Variants in COMMD7 observed in about 807,000 individuals in gnomAD.
COMMD7 encodes the protein COMM domain containing 7.
Under a neutral mutation model 34.8 loss-of-function variants are expected in COMMD7, and 28 were observed. The ratio of observed to expected loss-of-function variants is 0.80; its 90% CI spans 0.60 to 1.10. The LOEUF is 1.10. Among genes scored for constraint, COMMD7 ranks in the 50% least tolerant of loss-of-function variants. The pLI, the probability that COMMD7 is intolerant of heterozygous loss-of-function variation, is 0.00. For synonymous variants in COMMD7, 80 were observed against 86.4 expected (o/e 0.93, Z 0.41); for missense variants, 211 against 241.6 (o/e 0.87, Z 0.84).
intron 6 of COMMD7, 60 bp downstream of exon 6, chr20:32,704,754 A>T: frequency 7.9e-7 from 1 of 1,271,330 alleles, no homozygotes; most frequent in Non-Finnish European, 1.1e-6. Flanking sequence ...GCTGTGTCAC[A>T]GCCTCTGCAC....
At chr20:32,711,545 C>A (rs1364789528) in intron 3 of COMMD7, among the ~76,000 whole-genome samples, 1 of 152,134 alleles carries the variant, frequency 6.6e-6, no homozygotes, top group Non-Finnish European at 1.5e-5. Flanking sequence ...TTCTCAGACG[C>A]TATCTTGGTG....
chr20:32,737,121 G>A (rs1986170448), intron 1 of COMMD7, among the ~76,000 whole-genome samples: 2 of 152,040 alleles, frequency 1.3e-5, no homozygotes, highest in South Asian at 4.1e-4. Context: ...GGCAGAGCTT[G>A]CAGTGAGCCG....
chr20:32,743,187 C>A (rs1451040820), intron 1 of COMMD7, 121 bp downstream of exon 1: 2 of 837,308 alleles, frequency 2.4e-6, no homozygotes, highest in Non-Finnish European at 3.5e-6. Context: ...CAAACGCCCA[C>A]AAGACGCCGC....
intron 3 of COMMD7, among the ~76,000 whole-genome samples, chr20:32,714,676 T>C (rs775220969): frequency 5.5e-4 from 79 of 143,422 alleles, no homozygotes; most frequent in Admixed American, 2.4e-3. Context: ...ATACAAAAAT[T>C]AGCCGGGCAC....
At chr20:32,739,242 C>CAAG in intron 1 of COMMD7, among the ~76,000 whole-genome samples, 1 of 152,080 alleles carries the variant, frequency 6.6e-6, no homozygotes, top group East Asian at 1.9e-4. Flanking sequence ...CAAGATGGAT[C>CAAG]ACCAGAGACC....
chr20:32,741,730 T>G (rs1305423780), intron 1 of COMMD7, among the ~76,000 whole-genome samples: 4 of 152,160 alleles, frequency 2.6e-5, no homozygotes, highest in African/African-American at 9.7e-5. Flanking sequence ...CCTTTTCTAT[T>G]TAGATTTGTC....
intron 1 of COMMD7, among the ~76,000 whole-genome samples, chr20:32,740,721 C>T (rs1986393571): frequency 6.6e-6 from 1 of 151,140 alleles, no homozygotes; most frequent in Non-Finnish European, 1.5e-5. Flanking sequence ...GCCTATAGTC[C>T]CAGCTATTTG....
chr20:32,731,702 C>G (rs1985852166), intron 1 of COMMD7, among the ~76,000 whole-genome samples: 1 of 152,216 alleles, frequency 6.6e-6, no homozygotes, highest in South Asian at 2.1e-4. Flanking sequence ...TGCAGCTTCA[C>G]AGCAACTTAA....
Position 32,706,723 on chromosome 20 carries a change from C to G in COMMD7, c.279G>C (p.Gln93His). 6.2e-7 allele frequency: 1 copy of G among 1,613,926 alleles called. No homozygotes were observed. Among genetic ancestry groups the G allele is most frequent in the African/African-American group, 1.3e-5 (1 of 74,966 alleles). The change falls in exon 4 of 9, where the codon CAG becomes CAC. Residue 93 changes from glutamine (Q) to histidine (H), a missense_variant. Gln to His is a conservative substitution (Grantham distance 24). Coordinates refer to ENST00000278980, the MANE Select transcript of COMMD7 (RefSeq NM_053041.3). ...ACCTACCCAGAGTTATGAAATCCGC[C>G]TGGACCTGCTTGGCTGTGAGACTCT... ...LKKSLTAKQVQADFITLGLSE... is the reference protein window; with the variant it reads ...LKKSLTAKQVHADFITLGLSE...
At chr20:32,740,991 A>G (rs1246571635) in intron 1 of COMMD7, among the ~76,000 whole-genome samples, 1 of 151,840 alleles carries the variant, frequency 6.6e-6, no homozygotes, top group Non-Finnish European at 1.5e-5. Flanking sequence ...AAAAATACAA[A>G]AATTAGCCAG....
At chr20:32,729,156 C>T (rs1016279188) in intron 1 of COMMD7, among the ~76,000 whole-genome samples, 6 of 147,672 alleles carry the variant, frequency 4.1e-5, no homozygotes, top group Non-Finnish European at 7.5e-5. Context: ...GGGCTGGGGG[C>T]GCTTATTTTG....
intron 5 of COMMD7, among the ~76,000 whole-genome samples, chr20:32,705,729 T>G (rs1211711717): frequency 6.6e-6 from 1 of 152,162 alleles, no homozygotes; most frequent in East Asian, 1.9e-4. Flanking sequence ...AATGGGCAGA[T>G]TTTTGACTGG....
At chr20:32,714,068 G>A (rs1266220845) in intron 3 of COMMD7, among the ~76,000 whole-genome samples, 2 of 152,096 alleles carry the variant, frequency 1.3e-5, no homozygotes, top group African/African-American at 4.8e-5. Context: ...AGCCGAGATC[G>A]TGCCACTGCA....
chr20:32,728,443 G>T (rs1202359894), intron 1 of COMMD7, among the ~76,000 whole-genome samples: 2 of 86,448 alleles, frequency 2.3e-5, no homozygotes, highest in East Asian at 2.4e-4. Context: ...CACACAGACA[G>T]ACATACACAC....
chr20:32,706,350 A>G (rs1009203417), intron 5 of COMMD7, among the ~76,000 whole-genome samples: 2 of 151,988 alleles, frequency 1.3e-5, no homozygotes, highest in Admixed American at 6.6e-5. Flanking sequence ...CGTCTCTACT[A>G]AAAATACAAA....
intron 1 of COMMD7, among the ~76,000 whole-genome samples, chr20:32,733,566 A>G (rs1985961932): frequency 6.6e-6 from 1 of 151,990 alleles, no homozygotes; most frequent in Admixed American, 6.6e-5. Context: ...TAAAGAAACA[A>G]AAAATTAGCC....
At chr20:32,724,951 T>TAAAAAA (rs1175774267) in intron 3 of COMMD7, among the ~76,000 whole-genome samples, 3 of 13,872 alleles carry the variant, frequency 2.2e-4, no homozygotes, top group African/African-American at 4.6e-4. Flanking sequence ...AAAATAAATT[T>TAAAAAA]AAAAAAAAAA....
chr20:32,722,029 C>A (rs1985192361), intron 3 of COMMD7, among the ~76,000 whole-genome samples: 1 of 151,666 alleles, frequency 6.6e-6, no homozygotes, highest in Admixed American at 6.6e-5. Flanking sequence ...TCACTGCACT[C>A]CAGCCTGGGC....
intron 3 of COMMD7, among the ~76,000 whole-genome samples, chr20:32,719,253 A>G (rs1243629852): frequency 6.6e-6 from 1 of 152,168 alleles, no homozygotes; most frequent in Non-Finnish European, 1.5e-5. Context: ...ATGGAGGTGG[A>G]GATGTAACTG....
Sources: gnomAD v4.1 joint callset for allele counts (sites outside exome capture counted in the v4.1 genomes callset) on GRCh38, gnomAD v4.1.1 for gene constraint, MANE v1.5 for transcripts, NCBI Gene and HGNC (gene_info 2026-07-23, HGNC 2026-07-21) for gene names.